The following FAU variants were observed in gnomAD, a reference collection of about 807,000 sequenced individuals.
FAU encodes the protein ubiquitin-like FUBI-ribosomal protein eS30 fusion protein.
For missense variants in FAU, 125 were observed against 173.9 expected, an observed-to-expected ratio of 0.72 and a Z score of 1.58; for synonymous variants, 70 against 69.9, an observed-to-expected ratio of 1.00 and a Z score of -0.01.
In FAU at chr11:65,122,109, A is replaced by C; in HGVS notation, c.-28T>G. The C allele has an allele frequency of 1.7e-6, 1 of 598,654 alleles. No individual in the cohort carries two copies. 37.1% of individuals were successfully genotyped at this position (598,654 alleles called of 1,614,324 possible). A position where few individuals can be genotyped will look rare whatever the true frequency, so the allele number is the denominator to read the frequency against. On this transcript the variant is annotated 5_prime_UTR_variant, in exon 1 of 5. Coordinates refer to ENST00000529639, the MANE Select transcript of FAU (RefSeq NM_001997.5). ...TCTTACCTGAACGGCGGTCCCAGCT[A>C]CCGCGAAGATGGAGTCGAGAAAGAG... is the stretch of plus-strand genomic sequence containing the variant.
At position 65,121,594 on chromosome 11, in the gene FAU, G is replaced by A. The variant is rs2137219054; in HGVS notation, c.126C>T (p.Leu42=). 3 of 1,613,996 alleles carry A rather than the reference G, an allele frequency of 1.9e-6. No individual in the cohort carries two copies. Among genetic ancestry groups the A allele is most frequent in the Non-Finnish European group, 1.7e-6 (2 of 1,180,024 alleles). ...CATCCTCCAGGGGCGCGCCTGCCAG[G>A]AGCACGACTTGATCTTCCGGGGCAA... ...EGIAPEDQVV[L]LAGAPLEDEA... Residue 42 remains leucine, a synonymous_variant, in exon 3 of 5, where the codon CTC becomes CTT. Coordinates refer to ENST00000529639, the MANE Select transcript of FAU (RefSeq NM_001997.5).
chr11:65,120,948 C>T (rs375145641), intron 4 of FAU, 33 bp downstream of exon 4: 49 of 1,613,468 alleles, frequency 3.0e-5, no homozygotes, highest in Non-Finnish European at 3.6e-5. Context: ...GAAAAAAAGT[C>T]CTAACACCAT....
chr11:65,121,729 G>GC lies in FAU; in HGVS notation c.75+9dup. The GC allele has an allele frequency of 6.2e-7, 1 of 1,614,026 alleles. No homozygotes were observed. Among genetic ancestry groups the GC allele is most frequent in the Non-Finnish European group, 8.5e-7 (1 of 1,180,002 alleles). On this transcript the variant is annotated intron_variant, in intron 2 of 4. Transcript: ENST00000529639. ...GAAAATGGAACCCAGGGCGCACCAA[G>GC]CAGCCTTACCTTGATCTGGGCGACC...
At chr11:65,121,930 C>T in intron 1 of FAU, 109 bp from the exon 2 acceptor site, 2 of 1,160,858 alleles carry the variant, frequency 1.7e-6, no homozygotes, top group Non-Finnish European at 2.5e-6. Flanking sequence ...ATGGTGGTCG[C>T]GGCGGCTCAC....
rs754290670 is a variant in FAU, at chr11:65,120,769, C to T, written c.314G>A (p.Arg105Gln). ...GTTGTACTGCATCCGCCGCTTAGCC[C>T]GACCTGTCTTCTTCTTCTTCTTCTC... ...KQEKKKKKTG[R>Q]AKRRMQYNRR... Residue 105 changes from arginine to glutamine, a missense_variant, in exon 5 of 5, where the codon CGG becomes CAG. Coordinates refer to ENST00000529639, the MANE Select transcript of FAU (RefSeq NM_001997.5). 2.5e-6 allele frequency: 4 copies of T among 1,614,110 alleles called. No homozygotes were observed. Among genetic ancestry groups the T allele is most frequent in the African/African-American group, 1.3e-5 (1 of 75,032 alleles).
chr11:65,121,606 A>T lies in FAU; in HGVS notation c.114T>A (p.Asp38Glu), dbSNP rs745383577. ...GCGCGCCTGCCAGGAGCACGACTTG[A>T]TCTTCCGGGGCAATGCCCTCCAGTG... The part of the protein sequence containing the change: ...VASLEGIAPE[D>E]QVVLLAGAPL... The change falls in exon 3 of 5, where the codon GAT becomes GAA. Residue 38 changes from aspartate (D) to glutamate (E), a missense_variant. Coordinates refer to ENST00000529639, the MANE Select transcript of FAU (RefSeq NM_001997.5). The T allele has an allele frequency of 1.4e-5, 22 of 1,613,914 alleles. No individual in the cohort carries two copies. In the South Asian group the frequency reaches 2.4e-4, roughly 18 times the overall value.
At chr11:65,120,876 A>G in intron 4 of FAU, 70 bp from the exon 5 acceptor site, 1 of 1,609,238 alleles carries the variant, frequency 6.2e-7, no homozygotes, top group Admixed American at 1.7e-5. Flanking sequence ...CCTCAGGCTC[A>G]TCTCCAGGGA....
At position 65,121,545 on chromosome 11, in the gene FAU, C is replaced by A. The variant is rs768994918; in HGVS notation, c.175G>T (p.Val59Leu). Residue 59 changes from valine to leucine, a missense_variant, in exon 3 of 5, where the codon GTG (valine) becomes TTG (leucine). Val to Leu is a conservative substitution (Grantham distance 32). Coordinates refer to ENST00000529639, the MANE Select transcript of FAU (RefSeq NM_001997.5). Reference sequence around the variant, plus strand: ...ACTTCCAGGGTAGTCAGGGCCTCCACCCCGCACTGGCCCAGAGTGGCCTCA... The same window carrying A: ...ACTTCCAGGGTAGTCAGGGCCTCCAACCCGCACTGGCCCAGAGTGGCCTCA... ...EDEATLGQCGVEALTTLEVAG... is the reference protein window; with the variant it reads ...EDEATLGQCGLEALTTLEVAG... The A allele has an allele frequency of 6.2e-7, 1 of 1,614,044 alleles. No homozygotes were observed. Among genetic ancestry groups the A allele is most frequent in the Non-Finnish European group, 8.5e-7 (1 of 1,180,022 alleles).
intron 3 of FAU, 39 bp downstream of exon 3, chr11:65,121,461 G>A (rs751531746): frequency 2.3e-5 from 37 of 1,601,008 alleles, no homozygotes; most frequent in Non-Finnish European, 2.7e-5. Context: ...CTCACTAGAC[G>A]CTTACCGGTA....
Position 65,121,494 on chromosome 11 carries a change from A to G in FAU, c.220+6T>C. On this transcript the variant is annotated splice_donor_region_variant and intron_variant, in intron 3 of 4. Transcript: ENST00000529639. ...GTACTTCAAAGAACATTCCTCTCTC[A>G]CTCACCTCCAAGCATGCGGCCTGCT... The G allele has an allele frequency of 1.2e-6, 2 of 1,611,742 alleles. No homozygotes were observed. The highest frequency in any genetic ancestry group is 2.2e-5 in the East Asian group (1 of 44,876).
In FAU at chr11:65,120,984, A is replaced by G. The variant is rs9333579; in HGVS notation, c.273T>C (p.Pro91=). The change falls in exon 4 of 5, where the codon CCT becomes CCC. Residue 91 remains proline, a synonymous_variant. Coordinates refer to ENST00000529639, the MANE Select transcript of FAU (RefSeq NM_001997.5). ...GACCACTAATACTCTCACTCACCTT[A>G]GGAGTCTGACCTCTCACTTTTCCAG... ...ARAGKVRGQT[P]KVAKQEKKKK... is the part of the protein sequence containing the mutation. 1.5e-3 allele frequency: 2,401 copies of G among 1,614,130 alleles called. 3 individuals are homozygous for G. The highest frequency in any genetic ancestry group is 1.9e-3 in the Non-Finnish European group (2,285 of 1,180,012).
At chr11:65,121,911 C>G in intron 1 of FAU, 90 bp from the exon 2 acceptor site, 1 of 1,346,032 alleles carries the variant, frequency 7.4e-7, no homozygotes, top group Non-Finnish European at 1.0e-6. Context: ...CAGAAACGAT[C>G]GCGACGGGAT....
chr11:65,121,525 C>T lies in FAU; in HGVS notation c.195G>A (p.Leu65=). The change falls in exon 3 of 5, where the codon CTG becomes CTA. Residue 65 remains leucine, a synonymous_variant. Coordinates refer to ENST00000529639, the MANE Select transcript of FAU (RefSeq NM_001997.5). ...GQCGVEALTT[L]EVAGRMLGGK... ...CTCCAAGCATGCGGCCTGCTACTTC[C>T]AGGGTAGTCAGGGCCTCCACCCCGC... is the stretch of plus-strand genomic sequence containing the variant. 1 of 1,613,684 alleles carries T rather than the reference C, an allele frequency of 6.2e-7. No individual in the cohort carries two copies. Among genetic ancestry groups the T allele is most frequent in the Non-Finnish European group, 8.5e-7 (1 of 1,179,864 alleles).
rs777536063 is a variant in FAU at position 65,121,587 on chromosome 11, C to T, written c.133G>A (p.Gly45Ser). 3.7e-6 allele frequency: 6 copies of T among 1,613,920 alleles called. No homozygotes were observed. Among genetic ancestry groups the T allele is most frequent in the Non-Finnish European group, 5.1e-6 (6 of 1,180,042 alleles). The change falls in exon 3 of 5, where the codon GGC (glycine) becomes AGC (serine). Residue 45 changes from glycine (G) to serine (S), a missense_variant. Coordinates refer to ENST00000529639, the MANE Select transcript of FAU (RefSeq NM_001997.5). Reference protein sequence around the residue: ...APEDQVVLLAGAPLEDEATLG... With the variant: ...APEDQVVLLASAPLEDEATLG... ...GTGGCCTCATCCTCCAGGGGCGCGC[C>T]TGCCAGGAGCACGACTTGATCTTCC...
intron 1 of FAU, 119 bp downstream of exon 1, chr11:65,121,971 G>A (rs986212859): frequency 1.1e-5 from 8 of 753,954 alleles, no homozygotes; most frequent in Admixed American, 4.8e-5. Flanking sequence ...CAAGGAGTTC[G>A]GATAGGGACT....
At chr11:65,121,290 G>A (rs1948044723) in intron 3 of FAU, 1 of 760,886 alleles carries the variant, frequency 1.3e-6, no homozygotes, top group South Asian at 1.9e-5. Context: ...AGGATCTCGT[G>A]ATGTGACTGA....
chr11:65,121,647 A>G lies in FAU; in HGVS notation c.76-3T>C. 2.5e-6 allele frequency: 4 copies of G among 1,613,926 alleles called. No individual in the cohort carries two copies. Among genetic ancestry groups the G allele is most frequent in the South Asian group, 2.2e-5 (2 of 91,086 alleles). On this transcript the variant is annotated splice_region_variant and splice_polypyrimidine_tract_variant and intron_variant, in intron 2 of 4. Coordinates refer to ENST00000529639, the MANE Select transcript of FAU (RefSeq NM_001997.5). ...CCCTCCAGTGAGGCTACATGAGCCT[A>G]CAGGGAAAGATAAGGCTCGTAAGCG...
At position 65,121,542 on chromosome 11, in the gene FAU, C is replaced by T. The variant is rs976444217; in HGVS notation, c.178G>A (p.Glu60Lys). 8 of 1,613,868 alleles carry T rather than the reference C, an allele frequency of 5.0e-6. No individual in the cohort carries two copies. In the African/African-American group the frequency reaches 1.1e-4, roughly 22 times the overall value. ...DEATLGQCGV[E>K]ALTTLEVAGR... ...GCTACTTCCAGGGTAGTCAGGGCCT[C>T]CACCCCGCACTGGCCCAGAGTGGCC... The change falls in exon 3 of 5, where the codon GAG (glutamate) becomes AAG (lysine). Residue 60 changes from glutamate to lysine, a missense_variant. Coordinates refer to ENST00000529639, the MANE Select transcript of FAU (RefSeq NM_001997.5).
chr11:65,120,861 C>CCTT, intron 4 of FAU, 55 bp from the exon 5 acceptor site: 1 of 1,610,716 alleles, frequency 6.2e-7, no homozygotes, highest in Non-Finnish European at 8.5e-7. Flanking sequence ...ACCTAGCATC[C>CCTT]CTTCCCTCAG....
Sources: gnomAD v4.1 joint callset for allele counts on GRCh38, gnomAD v4.1.1 for gene constraint, MANE v1.5 for transcripts, NCBI Gene and HGNC (gene_info 2026-07-23, HGNC 2026-07-21) for gene names.